CAPRIN2: variants seen among roughly 807,000 people sequenced by gnomAD.
CAPRIN2 encodes caprin family member 2, also known as caprin-2.
CAPRIN2 carries 66 observed loss-of-function variants against 130.4 expected under a neutral mutation model. The observed-to-expected ratio is 0.51, with a 90% CI of 0.42 to 0.62. CAPRIN2 has a LOEUF of 0.62. Ranked by LOEUF, CAPRIN2 falls within the 20% of genes least tolerant of loss-of-function variation. CAPRIN2 has a pLI of 0.00. For missense variants in CAPRIN2, 1,185 were observed against 1,246.6 expected (o/e 0.95, Z 0.74); for synonymous variants, 471 against 444.1 (o/e 1.06, Z -0.76).
chr12:30,738,807 C>T (rs1226417690), intron 3 of CAPRIN2, among the ~76,000 whole-genome samples: 1 of 152,140 alleles, frequency 6.6e-6, no homozygotes, highest in Non-Finnish European at 1.5e-5. Context: ...ATAAAAAGCT[C>T]AACATCACTG....
chr12:30,751,415 G>T (rs181527328), intron 1 of CAPRIN2: 16 of 325,542 alleles, frequency 4.9e-5, no homozygotes, highest in Admixed American at 3.3e-4. Context: ...AACCCATGGG[G>T]ACTTACCTAC....
At chr12:30,731,436 C>G (rs746774720) in exon 6 of CAPRIN2, 2 of 1,612,864 alleles carry the variant, frequency 1.2e-6, no homozygotes, top group African/African-American at 2.7e-5. Flanking sequence ...TTTTCCTTGG[C>G]ATTTTTGGGA....
In CAPRIN2 at chr12:30,726,160, A is replaced by G. The variant is rs993178888; in HGVS notation, c.1783-72T>C. On this transcript the variant is annotated intron_variant, in intron 8 of 16. Coordinates refer to ENST00000298892, the Ensembl canonical transcript of CAPRIN2. Reference sequence around the variant, plus strand: ...AGCCTAATCTAGGAAACAGTTTATCACTACATCTTAAAGGAAAAGAAAAAA... The same window carrying G: ...AGCCTAATCTAGGAAACAGTTTATCGCTACATCTTAAAGGAAAAGAAAAAA... 3 of 1,228,338 alleles carry G rather than the reference A, an allele frequency of 2.4e-6. No homozygotes were observed. The Admixed American group carries it at 9.1e-5, about 37-fold the overall frequency. 76.1% of individuals were successfully genotyped at this position (1,228,338 alleles called of 1,614,324 possible).
At chr12:30,709,962 T>C in exon 17 of CAPRIN2, 15 of 1,612,390 alleles carry the variant, frequency 9.3e-6, no homozygotes, top group Non-Finnish European at 1.2e-5. Context: ...TTCCATAAAT[T>C]GCTCCCCTGT....
rs188346670 is a variant in CAPRIN2, at chr12:30,737,269, C to T, written c.571-2063G>A. On this transcript the variant is annotated intron_variant, in intron 3 of 16. Coordinates refer to ENST00000298892, the Ensembl canonical transcript of CAPRIN2. ...TCCTCCTCCCAAAGGGCTAGGGTTA[C>T]AGACGTAAGCCACCATCCCTGGCTA... 4.6e-5 allele frequency among the ~76,000 whole-genome samples: 7 copies of T among 152,222 alleles called. No individual in the cohort carries two copies. The East Asian group carries it at 1.4e-3, about 30-fold the overall frequency.
At position 30,725,949 on chromosome 12, in the gene CAPRIN2, T is replaced by C. The variant is rs768180227; in HGVS notation, c.1905+17A>G. 1.8e-5 allele frequency: 27 copies of C among 1,538,426 alleles called. No individual in the cohort carries two copies. Among genetic ancestry groups the C allele is most frequent in the African/African-American group, 1.7e-4 (12 of 71,702 alleles). On this transcript the variant is annotated intron_variant, in intron 9 of 16. Transcript: ENST00000298892. ...AGCCCCATGAATATCATTTAAGATT[T>C]TGTAAATGACTCATACTTGCATAAA...
chr12:30,728,663 G>T (rs752923568), exon 8 of CAPRIN2: 1 of 1,607,898 alleles, frequency 6.2e-7, no homozygotes, highest in African/African-American at 1.3e-5. Context: ...TGGGTTCTGT[G>T]TTCAACTTCC....
chr12:30,733,506 T>C, intron 5 of CAPRIN2, 123 bp downstream of exon 6: 1 of 683,888 alleles, frequency 1.5e-6, no homozygotes, highest in South Asian at 1.7e-5. Flanking sequence ...TCCCAGTGAA[T>C]ATAGTATTGT....
At chr12:30,741,080 C>A (rs957630203) in exon 3 of CAPRIN2, 2 of 1,609,876 alleles carry the variant, frequency 1.2e-6, no homozygotes, top group African/African-American at 2.7e-5. Flanking sequence ...AATTATGTAG[C>A]ACTTCTTCAT....
At chr12:30,712,063 T>G (rs2055004037) in intron 15 of CAPRIN2, among the ~76,000 whole-genome samples, 1 of 152,120 alleles carries the variant, frequency 6.6e-6, no homozygotes, top group Admixed American at 6.6e-5. Context: ...GTGTTGGGGT[T>G]TGGGAATTTT....
Position 30,731,516 on chromosome 12 carries a change from A to G in CAPRIN2, c.893-6T>C. The stretch of plus-strand genomic sequence containing the variant: ...TAGATCCTTCAAGTGTTTGTCTAAG[A>G]AAGAGTGATTAAGACTTAATTGTCA... On this transcript the variant is annotated splice_region_variant and splice_polypyrimidine_tract_variant and intron_variant, in intron 5 of 16. Transcript: ENST00000298892. 1 of 1,608,628 alleles carries G rather than the reference A, an allele frequency of 6.2e-7. No individual in the cohort carries two copies. Among genetic ancestry groups the G allele is most frequent in the Non-Finnish European group, 8.5e-7 (1 of 1,177,108 alleles).
At chr12:30,747,126 T>C (rs1425038080) in intron 2 of CAPRIN2, among the ~76,000 whole-genome samples, 2 of 152,188 alleles carry the variant, frequency 1.3e-5, no homozygotes, top group Non-Finnish European at 2.9e-5. Flanking sequence ...CTGTGTTTTA[T>C]AAACAAAATA....
At chr12:30,723,351 A>T (rs750327533) in intron 10 of CAPRIN2, 37 bp from the exon 12 acceptor site, 1 of 1,467,526 alleles carries the variant, frequency 6.8e-7, no homozygotes, top group Non-Finnish European at 9.5e-7. Context: ...TACTGAGGGA[A>T]GACAAAAGCT....
At chr12:30,719,323 A>G (rs1057458539) in intron 12 of CAPRIN2, 98 bp from the exon 14 acceptor site, 2 of 1,385,054 alleles carry the variant, frequency 1.4e-6, no homozygotes, top group African/African-American at 2.9e-5. Context: ...CAAGTTCTTT[A>G]GGATGACATT....
chr12:30,715,411 A>G (rs995329419), intron 13 of CAPRIN2: 10 of 536,616 alleles, frequency 1.9e-5, no homozygotes, highest in South Asian at 1.5e-4. Context: ...AAAATAAGCT[A>G]GTTTCAAAAG....
At chr12:30,729,950 T>C (rs551827109) in intron 7 of CAPRIN2, among the ~76,000 whole-genome samples, 3 of 152,336 alleles carry the variant, frequency 2.0e-5, no homozygotes, top group South Asian at 4.1e-4. Flanking sequence ...ATAGCTATCA[T>C]TTGGGCAGTT....
At chr12:30,746,580 T>C (rs988037064) in intron 2 of CAPRIN2, among the ~76,000 whole-genome samples, 1 of 151,258 alleles carries the variant, frequency 6.6e-6, no homozygotes, top group Non-Finnish European at 1.5e-5. Flanking sequence ...GGGGTGAAAG[T>C]GCTACTCCAG....
intron 3 of CAPRIN2, among the ~76,000 whole-genome samples, chr12:30,738,928 A>T (rs1347468038): frequency 1.3e-5 from 2 of 152,240 alleles, no homozygotes; most frequent in East Asian, 3.8e-4. Context: ...GTTGTAGAGA[A>T]AAGGGAATGC....
chr12:30,754,729 G>A (rs892292466), upstream of CAPRIN2: 1 of 153,884 alleles, frequency 6.5e-6, no homozygotes, highest in Non-Finnish European at 1.4e-5. Flanking sequence ...CGCCGACCGA[G>A]GCCGCCGCAG....
Sources: allele counts gnomAD v4.1 joint callset (sites outside exome capture counted in the v4.1 genomes callset), GRCh38; gene constraint gnomAD v4.1.1; transcripts MANE v1.5; gene names NCBI Gene and HGNC (gene_info 2026-07-23, HGNC 2026-07-21).